The following LRP1B variants were observed in gnomAD, a reference collection of about 807,000 sequenced individuals.
LRP1B encodes the protein LDL receptor related protein 1B, also known as low-density lipoprotein receptor-related protein 1B.
Under a neutral mutation model 556.6 loss-of-function variants are expected in LRP1B, and 217 were observed. The observed-to-expected ratio is 0.39, with a 90% CI of 0.35 to 0.44. LRP1B has a LOEUF of 0.44. Among genes scored for constraint, LRP1B ranks in the 20% least tolerant of loss-of-function variants. The probability of loss-of-function intolerance (pLI) is 1.00; values close to 1 mark genes in which losing one functional copy is unlikely to be tolerated. For missense variants in LRP1B, 5,053 were observed against 5,620.8 expected, an observed-to-expected ratio of 0.90 and a Z score of 3.23; for synonymous variants, 2,047 against 1,865.8, an observed-to-expected ratio of 1.10 and a Z score of -2.50.
chr2:141,053,828 A>ATGTGTGTG (rs59661474), intron 10 of LRP1B, among the ~76,000 whole-genome samples: 7,606 of 150,190 alleles, frequency 0.051, 235 homozygotes, highest in East Asian at 0.088. Flanking sequence ...GTGTGTATAT[A>ATGTGTGTG]TGTGTGTGTG....
At chr2:140,959,639 T>C (rs1277127619) in intron 18 of LRP1B, among the ~76,000 whole-genome samples, 1 of 151,762 alleles carries the variant, frequency 6.6e-6, no homozygotes, top group Non-Finnish European at 1.5e-5. Flanking sequence ...AATTTATCTA[T>C]AATTTATATT....
chr2:141,855,591 GCAA>G (rs989878548), intron 1 of LRP1B, among the ~76,000 whole-genome samples: 8 of 152,092 alleles, frequency 5.3e-5, no homozygotes, highest in Admixed American at 5.2e-4. Context: ...GTGAACTGAA[GCAA>G]CATTCCAATA....
intron 1 of LRP1B, among the ~76,000 whole-genome samples, chr2:141,945,065 C>T (rs527906775): frequency 6.6e-6 from 1 of 152,184 alleles, no homozygotes; most frequent in South Asian, 2.1e-4. Flanking sequence ...TTTTTGTTGT[C>T]CTTTCTCCCA....
At chr2:141,133,227 T>A (rs933653574) in intron 7 of LRP1B, among the ~76,000 whole-genome samples, 11 of 150,976 alleles carry the variant, frequency 7.3e-5, no homozygotes, top group Non-Finnish European at 1.6e-4. Context: ...ATCTCCTACA[T>A]CTTATTTCCA....
intron 1 of LRP1B, among the ~76,000 whole-genome samples, chr2:142,040,757 A>G (rs1704037752): frequency 6.6e-6 from 1 of 151,360 alleles, no homozygotes; most frequent in East Asian, 1.9e-4. Flanking sequence ...CACATTTTCA[A>G]AGGAAATGGA....
rs146537601 is a variant in LRP1B at position 140,933,569 on chromosome 2, G to C, written c.3137-10422C>G. Among the ~76,000 whole-genome samples the C allele has an allele frequency of 5.5e-3, 842 of 152,128 alleles. 10 individuals are homozygous for C. The highest frequency in any genetic ancestry group is 0.019 in the African/African-American group (791 of 41,524). ...TCTGCTAAAAAAGCAGGACAACAGG[G>C]TGAGGTTCTTCATTAAAATTAGGTC... On this transcript the variant is annotated intron_variant, in intron 20 of 90. Transcript: ENST00000389484.
chr2:142,042,364 T>TG (rs1559039087), intron 1 of LRP1B, among the ~76,000 whole-genome samples: 2 of 151,446 alleles, frequency 1.3e-5, no homozygotes, highest in African/African-American at 2.4e-5. Flanking sequence ...TGGTGAAGGC[T>TG]GAGCTAATTA....
chr2:141,985,612 AT>A (rs796329866), intron 1 of LRP1B, among the ~76,000 whole-genome samples: 1,550 of 148,918 alleles, frequency 0.01, 12 homozygotes, highest in African/African-American at 0.03. Context: ...CAATTCTTTC[AT>A]TTTTTTTTTC....
intron 7 of LRP1B, among the ~76,000 whole-genome samples, chr2:141,074,609 T>A (rs549369510): frequency 1.7e-5 from 2 of 117,430 alleles, no homozygotes; most frequent in Non-Finnish European, 3.5e-5. Flanking sequence ...ATATATATGT[T>A]TTTTATATAT....
chr2:141,631,472 C>T (rs1688906215), intron 2 of LRP1B, among the ~76,000 whole-genome samples: 1 of 145,680 alleles, frequency 6.9e-6, no homozygotes, highest in Admixed American at 7.1e-5. Flanking sequence ...ACTGGACAAA[C>T]TAGAATGCAG....
At chr2:141,781,002 G>A (rs1397723562) in intron 2 of LRP1B, among the ~76,000 whole-genome samples, 1 of 152,142 alleles carries the variant, frequency 6.6e-6, no homozygotes, top group Non-Finnish European at 1.5e-5. Context: ...GAAATGGGAT[G>A]TAGGCATGAG....
rs539685269 is a variant in LRP1B at position 140,358,731 on chromosome 2, T to C, written c.11257+90A>G. ...AAAATAATGCCCTCAGATGTCCACA[T>C]AAGAAATGTATTTTTTAAAATGTTT... is the stretch of plus-strand genomic sequence containing the variant. On this transcript the variant is annotated intron_variant, in intron 73 of 90. Coordinates refer to ENST00000389484, the MANE Select transcript of LRP1B (RefSeq NM_018557.3). 6 of 1,383,368 alleles carry C rather than the reference T, an allele frequency of 4.3e-6. No individual in the cohort carries two copies. The South Asian group carries it at 7.3e-5, about 17-fold the overall frequency. 85.7% of individuals were successfully genotyped at this position (1,383,368 alleles called of 1,614,324 possible).
intron 20 of LRP1B, among the ~76,000 whole-genome samples, chr2:140,925,732 A>G (rs193177695): frequency 2.2e-4 from 34 of 152,274 alleles, no homozygotes; most frequent in Non-Finnish European, 1.6e-4. Flanking sequence ...AAATCTGAGA[A>G]TTTCCAATAA....
At chr2:141,925,324 G>A (rs1356499615) in intron 1 of LRP1B, among the ~76,000 whole-genome samples, 1 of 152,110 alleles carries the variant, frequency 6.6e-6, no homozygotes, top group Non-Finnish European at 1.5e-5. Flanking sequence ...TTGAGTCTTG[G>A]AACAGAATAT....
intron 1 of LRP1B, among the ~76,000 whole-genome samples, chr2:142,115,415 T>C (rs1051406670): frequency 2.2e-5 from 3 of 138,760 alleles, no homozygotes; most frequent in Non-Finnish European, 3.0e-5. Context: ...TAGTACTAGA[T>C]TATATCACAA....
At chr2:142,128,452 T>C (rs1180142451) in intron 1 of LRP1B, among the ~76,000 whole-genome samples, 1 of 152,218 alleles carries the variant, frequency 6.6e-6, no homozygotes, top group African/African-American at 2.4e-5. Context: ...TTCTTGAGTT[T>C]ATATTCCCAT....
At chr2:140,413,328 T>C (rs1685043928) in intron 66 of LRP1B, among the ~76,000 whole-genome samples, 1 of 152,204 alleles carries the variant, frequency 6.6e-6, no homozygotes, top group Non-Finnish European at 1.5e-5. Context: ...TTAACACTGG[T>C]TTTCCTTTCT....
chr2:141,886,998 TTTTG>T (rs1208246663), intron 1 of LRP1B, among the ~76,000 whole-genome samples: 1 of 151,276 alleles, frequency 6.6e-6, no homozygotes, highest in East Asian at 1.9e-4. Context: ...TGTTTGTTTG[TTTTG>T]TTTGTTTTTC....
chr2:141,213,544 C>G (rs1032636309), intron 6 of LRP1B, among the ~76,000 whole-genome samples: 2 of 152,092 alleles, frequency 1.3e-5, no homozygotes, highest in African/African-American at 4.8e-5. Context: ...ACCAAAGTCC[C>G]TGAAGAAAAC....
Sources: allele counts gnomAD v4.1 joint callset (sites outside exome capture counted in the v4.1 genomes callset), GRCh38; gene constraint gnomAD v4.1.1; transcripts MANE v1.5; gene names NCBI Gene and HGNC (gene_info 2026-07-23, HGNC 2026-07-21).